Variants in PRKCH observed in about 807,000 individuals in gnomAD.
PRKCH encodes protein kinase C eta.
PRKCH carries 28 observed loss-of-function variants against 82.5 expected under a neutral mutation model. The ratio of observed to expected loss-of-function variants is 0.34; its 90% CI spans 0.25 to 0.47. PRKCH has a LOEUF of 0.47. Among genes scored for constraint, PRKCH ranks in the 20% least tolerant of loss-of-function variants. PRKCH has a pLI of 1.00. For missense variants in PRKCH, 705 were observed against 881.8 expected (o/e 0.80, Z 2.54); for synonymous variants, 322 against 327.4 (o/e 0.98, Z 0.18).
At chr14:61,340,066 T>A (rs1437668361) in intron 1 of PRKCH, among the ~76,000 whole-genome samples, 1 of 151,696 alleles carries the variant, frequency 6.6e-6, no homozygotes, top group Non-Finnish European at 1.5e-5. Context: ...CACTATCCTT[T>A]TGAGGTGGGG....
chr14:61,384,798 G>A (rs2046562800), intron 1 of PRKCH, among the ~76,000 whole-genome samples: 1 of 152,032 alleles, frequency 6.6e-6, no homozygotes, highest in Admixed American at 6.5e-5. Flanking sequence ...CCACTTCGGG[G>A]ACTCAAAAGT....
At chr14:61,205,722 G>A (rs1206475174) in intron 1 of PRKCH, among the ~76,000 whole-genome samples, 1 of 152,104 alleles carries the variant, frequency 6.6e-6, no homozygotes, top group Admixed American at 6.5e-5. Flanking sequence ...TAAAATACAG[G>A]TAAAACACCC....
At chr14:61,424,931 G>T (rs537623577) in intron 2 of PRKCH, among the ~76,000 whole-genome samples, 2 of 152,244 alleles carry the variant, frequency 1.3e-5, no homozygotes, top group Non-Finnish European at 2.9e-5. Flanking sequence ...TAAAAAGTCA[G>T]CTCAGGCTGT....
chr14:61,455,219 T>TTA (rs397824399), intron 7 of PRKCH, among the ~76,000 whole-genome samples: 1 of 149,228 alleles, frequency 6.7e-6, no homozygotes, highest in African/African-American at 2.5e-5. Flanking sequence ...TTTTTTTTTT[T>TTA]AGTAGAGATG....
intron 10 of PRKCH, among the ~76,000 whole-genome samples, chr14:61,499,557 AG>A (rs1886808485): frequency 6.6e-6 from 1 of 152,090 alleles, no homozygotes; most frequent in Non-Finnish European, 1.5e-5. Flanking sequence ...TAGCCATGTA[AG>A]CCTGTGCTTT....
intron 1 of PRKCH, among the ~76,000 whole-genome samples, chr14:61,379,881 T>C (rs949471163): frequency 6.6e-6 from 1 of 152,154 alleles, no homozygotes; most frequent in Non-Finnish European, 1.5e-5. Flanking sequence ...GGCGAGCTCA[T>C]GTGGAAAGTG....
intron 10 of PRKCH, among the ~76,000 whole-genome samples, chr14:61,508,038 A>G (rs1375726189): frequency 2.6e-5 from 4 of 152,150 alleles, no homozygotes; most frequent in Non-Finnish European, 2.9e-5. Context: ...CACCTCTCCA[A>G]ACACATCAAG....
intron 1 of PRKCH, among the ~76,000 whole-genome samples, chr14:61,341,186 C>A (rs993783859): frequency 1.3e-5 from 2 of 152,186 alleles, no homozygotes; most frequent in African/African-American, 4.8e-5. Context: ...TCGGCTGGCC[C>A]TGCCTTCCCC....
intron 1 of PRKCH, among the ~76,000 whole-genome samples, chr14:61,193,234 A>T (rs1490904493): frequency 6.6e-6 from 1 of 152,232 alleles, no homozygotes; most frequent in Non-Finnish European, 1.5e-5. Flanking sequence ...TGGAAAAAAC[A>T]TGTTTGCCTT....
chr14:61,545,339 C>G (rs1295809460), intron 12 of PRKCH: 1 of 152,222 alleles, frequency 6.6e-6, no homozygotes, highest in African/African-American at 2.4e-5. Flanking sequence ...CTTCCAAGCT[C>G]TCACAGCACT....
intron 1 of PRKCH, among the ~76,000 whole-genome samples, chr14:61,210,156 AT>A (rs1566781733): frequency 0.011 from 1,164 of 103,382 alleles, 40 homozygotes; most frequent in Middle Eastern, 0.026. Flanking sequence ...ATATATATAT[AT>A]ATATAAATTA....
intron 1 of PRKCH, among the ~76,000 whole-genome samples, chr14:61,300,325 A>G (rs1460871579): frequency 6.6e-6 from 1 of 152,222 alleles, no homozygotes; most frequent in Admixed American, 6.5e-5. Flanking sequence ...CTCAAGACCA[A>G]TAGTATATTC....
intron 1 of PRKCH, among the ~76,000 whole-genome samples, chr14:61,337,234 C>T (rs571028164): frequency 4.0e-5 from 6 of 149,968 alleles, no homozygotes; most frequent in Admixed American, 1.3e-4. Context: ...GTCTCAACCT[C>T]CTGGGCTCAA....
chr14:61,451,999 G>T (rs78151460), intron 6 of PRKCH, among the ~76,000 whole-genome samples: 1 of 152,300 alleles, frequency 6.6e-6, no homozygotes, highest in Non-Finnish European at 1.5e-5. Context: ...TGATCTTAGC[G>T]TGACGGTCTC....
chr14:61,550,126 A>G lies in PRKCH; in HGVS notation c.*295A>G, dbSNP rs943762475. ...ATGTTAACAGGAGCCAAAAGGAGGG[A>G]AAGTGTGAAGAATAAAGTAGATCTG... On this transcript the variant is annotated 3_prime_UTR_variant, in exon 14 of 14. Transcript: ENST00000332981. 1 of 275,576 alleles carries G rather than the reference A, an allele frequency of 3.6e-6. No individual in the cohort carries two copies. Among genetic ancestry groups the G allele is most frequent in the Non-Finnish European group, 6.8e-6 (1 of 146,038 alleles). 17.1% of individuals were successfully genotyped at this position (275,576 alleles called of 1,614,324 possible).
chr14:61,435,610 G>A (rs1883638243), intron 2 of PRKCH, among the ~76,000 whole-genome samples: 1 of 152,194 alleles, frequency 6.6e-6, no homozygotes, highest in African/African-American at 2.4e-5. Flanking sequence ...GGAGGCTCAG[G>A]TGGGAGGATG....
At chr14:61,314,614 A>G (rs1053843344) in intron 1 of PRKCH, among the ~76,000 whole-genome samples, 7 of 152,160 alleles carry the variant, frequency 4.6e-5, no homozygotes, top group African/African-American at 1.7e-4. Context: ...TCTGATCTCA[A>G]TCCCTGGAAT....
At chr14:61,358,099 G>T (rs2046175015) in intron 1 of PRKCH, among the ~76,000 whole-genome samples, 1 of 152,178 alleles carries the variant, frequency 6.6e-6, no homozygotes, top group Non-Finnish European at 1.5e-5. Context: ...TCTGGAATCA[G>T]ATTTGGATTT....
chr14:61,509,781 G>C (rs778327139), intron 10 of PRKCH, among the ~76,000 whole-genome samples: 12 of 152,076 alleles, frequency 7.9e-5, no homozygotes, highest in Non-Finnish European at 1.5e-4. Context: ...CATGCATGGT[G>C]GTGGGTTCCT....
Sources: allele counts gnomAD v4.1 joint callset (sites outside exome capture counted in the v4.1 genomes callset), GRCh38; gene constraint gnomAD v4.1.1; transcripts MANE v1.5; gene names NCBI Gene and HGNC (gene_info 2026-07-23, HGNC 2026-07-21).